ADGRL3: variants seen among roughly 807,000 people sequenced by gnomAD.
ADGRL3 encodes adhesion G protein-coupled receptor L3.
A neutral mutation model predicts 153.5 loss-of-function variants in ADGRL3; 62 were observed. The observed-to-expected ratio is 0.40, with a 90% confidence interval of 0.33 to 0.50. The LOEUF is 0.50. ADGRL3 is among the 20% of genes least tolerant of loss of function. The pLI is 0.47. For synonymous variants in ADGRL3, 710 were observed against 672.5 expected (o/e 1.06, Z -0.86); for missense variants, 1,641 against 1,859.4 (o/e 0.88, Z 2.16).
chr4:61,611,702 C>A (rs971471866), intron 5 of ADGRL3, among the ~76,000 whole-genome samples: 1 of 152,068 alleles, frequency 6.6e-6, no homozygotes, highest in Admixed American at 6.6e-5. Context: ...GTTGGAGGAC[C>A]ACTTGAGGCC....
chr4:61,981,336 A>C (rs377150581), intron 18 of ADGRL3, among the ~76,000 whole-genome samples: 4 of 152,304 alleles, frequency 2.6e-5, no homozygotes, highest in East Asian at 3.9e-4. Flanking sequence ...CTGCAGGTCT[A>C]AAATGGGTTT....
chr4:61,425,472 T>C (rs1358246221), intron 2 of ADGRL3: 2 of 152,412 alleles, frequency 1.3e-5, no homozygotes, highest in Middle Eastern at 3.4e-3. Flanking sequence ...TCAGCATAGG[T>C]GTGGGCCCAT....
At chr4:61,612,030 A>C (rs1409799195) in intron 5 of ADGRL3, among the ~76,000 whole-genome samples, 1 of 152,166 alleles carries the variant, frequency 6.6e-6, no homozygotes, top group Non-Finnish European at 1.5e-5. Flanking sequence ...AATGGTAAAA[A>C]TGGAAATTTG....
intron 2 of ADGRL3, among the ~76,000 whole-genome samples, chr4:61,387,807 C>T (rs948777422): frequency 1.3e-5 from 2 of 152,042 alleles, no homozygotes; most frequent in African/African-American, 4.8e-5. Context: ...ATACATCCTC[C>T]TCAGCTGACA....
intron 6 of ADGRL3, among the ~76,000 whole-genome samples, chr4:61,684,214 A>G (rs534752009): frequency 5.3e-5 from 8 of 152,274 alleles, no homozygotes; most frequent in East Asian, 1.9e-4. Flanking sequence ...TCATTAATTG[A>G]TATATTATTA....
intron 2 of ADGRL3, among the ~76,000 whole-genome samples, chr4:61,426,416 A>T (rs1578789550): frequency 6.7e-6 from 1 of 149,772 alleles, no homozygotes; most frequent in East Asian, 2.0e-4. Flanking sequence ...CCCTGGCTGG[A>T]CCCATCCATA....
intron 5 of ADGRL3, among the ~76,000 whole-genome samples, chr4:61,655,256 A>G (rs1580120700): frequency 6.6e-6 from 1 of 152,166 alleles, no homozygotes; most frequent in Non-Finnish European, 1.5e-5. Flanking sequence ...ATAATAGCTG[A>G]CAAGTGACTA....
rs192562445 is a variant in ADGRL3 at position 61,962,068 on chromosome 4, G to A, written c.2805+13792G>A. ...AGCCTGGGCAACACAGTGAAACCCC[G>A]TCTCTACTAAAATACAAAAAATTAG... On this transcript the variant is annotated intron_variant, in intron 17 of 26. Coordinates refer to ENST00000683033, the MANE Select transcript of ADGRL3 (RefSeq NM_001387552.1). 5.3e-5 allele frequency among the ~76,000 whole-genome samples: 8 copies of A among 151,836 alleles called. No homozygotes were observed. In the South Asian group the frequency reaches 6.2e-4, roughly 12 times the overall value.
chr4:61,211,529 G>A (rs193038834), intron 1 of ADGRL3: 1 of 152,326 alleles, frequency 6.6e-6, no homozygotes, highest in Admixed American at 6.5e-5. Flanking sequence ...AGAAAGAGGT[G>A]CTGATAGTAT....
chr4:61,286,770 G>A (rs1380969901), intron 1 of ADGRL3, among the ~76,000 whole-genome samples: 4 of 151,352 alleles, frequency 2.6e-5, no homozygotes, highest in Non-Finnish European at 4.4e-5. Flanking sequence ...AGGCCCTAAC[G>A]TGAATGACAT....
chr4:61,716,169 C>G (rs191758566), intron 6 of ADGRL3, among the ~76,000 whole-genome samples: 1 of 152,112 alleles, frequency 6.6e-6, no homozygotes, highest in Admixed American at 6.6e-5. Context: ...TCATAAAATT[C>G]AACCAATTAA....
rs113701278 is a variant in ADGRL3 at position 62,071,045 on chromosome 4, C to CT, written c.*149dup. 53,768 of 563,728 alleles carry CT rather than the reference C, an allele frequency of 0.095. No homozygotes were observed. Among genetic ancestry groups the CT allele is most frequent in the East Asian group, 0.13 (3,333 of 26,262 alleles). 34.9% of individuals were successfully genotyped at this position (563,728 alleles called of 1,614,324 possible). A position where few individuals can be genotyped will look rare whatever the true frequency, so the allele number is the denominator to read the frequency against. On this transcript the variant is annotated 3_prime_UTR_variant, in exon 27 of 27. Transcript: ENST00000683033. Reference sequence around the variant, plus strand: ...CTAAAGACAAACACAAACTCTCAGACTTTTTTTTTTTTAATGGGATTTTTA... The same window carrying CT: ...CTAAAGACAAACACAAACTCTCAGACTTTTTTTTTTTTTAATGGGATTTTTA...
chr4:61,909,480 G>A, intron 11 of ADGRL3, 80 bp from the exon 12 acceptor site: 2 of 946,180 alleles, frequency 2.1e-6, no homozygotes, highest in Non-Finnish European at 1.6e-6. Context: ...ACAATTACAT[G>A]CAAACATGAT....
At chr4:62,059,077 G>T (rs141928118) in intron 25 of ADGRL3, among the ~76,000 whole-genome samples, 1,552 of 152,294 alleles carry the variant, frequency 0.01, 34 homozygotes, top group African/African-American at 0.035. Flanking sequence ...ATTCTACCTA[G>T]TGAATGTGGA....
intron 21 of ADGRL3, among the ~76,000 whole-genome samples, chr4:62,009,035 T>C (rs770523969): frequency 5.9e-5 from 9 of 152,174 alleles, no homozygotes; most frequent in Non-Finnish European, 1.0e-4. Context: ...AGATGTGTAG[T>C]AGGCTAAACC....
intron 17 of ADGRL3, among the ~76,000 whole-genome samples, chr4:61,974,540 T>G (rs890717345): frequency 6.6e-6 from 1 of 152,136 alleles, no homozygotes; most frequent in East Asian, 1.9e-4. Context: ...TAAAGAAATA[T>G]TCACTTTCTT....
chr4:61,226,596 A>G (rs1748066703), intron 1 of ADGRL3, among the ~76,000 whole-genome samples: 1 of 152,198 alleles, frequency 6.6e-6, no homozygotes, highest in Non-Finnish European at 1.5e-5. Context: ...TACAAAGGTC[A>G]GCAATCTCTG....
chr4:61,647,274 T>G lies in ADGRL3; in HGVS notation c.474-29552T>G, dbSNP rs535557528. ...ACGCTGGGAGCTGTAGACCAGAGCT[T>G]TTCCTATTCGGCCATCTTGGCTCCT... On this transcript the variant is annotated intron_variant, in intron 5 of 26. Transcript: ENST00000683033. 9.2e-5 allele frequency among the ~76,000 whole-genome samples: 14 copies of G among 152,188 alleles called. No homozygotes were observed. In the South Asian group the frequency reaches 1.7e-3, roughly 18 times the overall value.
chr4:61,370,608 T>C (rs2096502113), intron 1 of ADGRL3, among the ~76,000 whole-genome samples: 1 of 152,112 alleles, frequency 6.6e-6, no homozygotes, highest in Non-Finnish European at 1.5e-5. Context: ...TTTGTTATAA[T>C]TTCTGTTCTT....
Sources: allele counts gnomAD v4.1 joint callset (sites outside exome capture counted in the v4.1 genomes callset), GRCh38; gene constraint gnomAD v4.1.1; transcripts MANE v1.5; gene names NCBI Gene and HGNC (gene_info 2026-07-23, HGNC 2026-07-21).